Variants in BCAS3 observed in about 807,000 individuals in gnomAD.
BCAS3 encodes BCAS4/BCAS3 fusion.
BCAS3 carries 53 observed loss-of-function variants against 116.1 expected under a neutral mutation model. The ratio of observed to expected loss-of-function variants is 0.46; its 90% CI spans 0.37 to 0.57. The LOEUF (loss-of-function observed/expected upper bound fraction) is 0.57, where lower values mean the gene tolerates loss of function less well. Ranked by LOEUF, BCAS3 falls within the 20% of genes least tolerant of loss-of-function variation. The probability of loss-of-function intolerance (pLI) is 0.00; values close to 1 mark genes in which losing one functional copy is unlikely to be tolerated. For missense variants in BCAS3, 917 were observed against 1,165.4 expected (o/e 0.79, Z 3.10); for synonymous variants, 391 against 408.2 (o/e 0.96, Z 0.51).
intron 22 of BCAS3, among the ~76,000 whole-genome samples, chr17:61,201,739 G>T (rs1427965684): frequency 1.3e-5 from 2 of 151,312 alleles, no homozygotes; most frequent in Non-Finnish European, 2.9e-5. Context: ...GAGGGAGAAA[G>T]GTAAGGGAAA....
At chr17:61,090,327 A>G (rs1410355061) in intron 22 of BCAS3, among the ~76,000 whole-genome samples, 1 of 152,238 alleles carries the variant, frequency 6.6e-6, no homozygotes, top group African/African-American at 2.4e-5. Flanking sequence ...TCCAGGGCAT[A>G]TACCTTGGGT....
chr17:61,009,964 GA>G (rs1441075449), intron 15 of BCAS3, among the ~76,000 whole-genome samples: 1 of 151,786 alleles, frequency 6.6e-6, no homozygotes, highest in African/African-American at 2.4e-5. Flanking sequence ...GTAAATCTTA[GA>G]AAGTTTATTT....
rs746825060 is a variant in BCAS3 at position 61,015,894 on chromosome 17, C to T, written c.1630C>T (p.Arg544Ter). The change falls in exon 16 of 24, where the codon CGA becomes TGA. Residue 544 changes from arginine (R) to a stop codon, truncating the protein, a stop_gained. Transcript: ENST00000407086. LOFTEE classifies it high-confidence loss of function. ...QPMTLGTITK[R>*]TGKVKPPPQI... ...AATGACATTGGGGACCATCACCAAA[C>T]GAACCGGGTAAGGCCTTAGACTTGA... is the stretch of plus-strand genomic sequence containing the variant. 6 of 1,613,830 alleles carry T rather than the reference C, an allele frequency of 3.7e-6. No homozygotes were observed. Among genetic ancestry groups the T allele is most frequent in the Admixed American group, 3.3e-5 (2 of 59,988 alleles).
intron 22 of BCAS3, among the ~76,000 whole-genome samples, chr17:61,283,150 G>A (rs1420031646): frequency 1.3e-5 from 2 of 151,952 alleles, no homozygotes; most frequent in African/African-American, 4.8e-5. Flanking sequence ...CAATGGTGCT[G>A]CCTAGTTCCT....
intron 22 of BCAS3, among the ~76,000 whole-genome samples, chr17:61,357,277 TTAAATAAA>T (rs1225130789): frequency 6.9e-6 from 1 of 144,820 alleles, no homozygotes; most frequent in Non-Finnish European, 1.5e-5. Flanking sequence ...AATTAATTAA[TTAAATAAA>T]TAAATAAATA....
chr17:60,957,811 A>G (rs543770625), intron 14 of BCAS3, among the ~76,000 whole-genome samples: 1 of 152,324 alleles, frequency 6.6e-6, no homozygotes, highest in African/African-American at 2.4e-5. Context: ...TTCAGAGTTT[A>G]TTGAGGAAAT....
At chr17:60,980,143 G>A (rs2062704631) in intron 14 of BCAS3, among the ~76,000 whole-genome samples, 1 of 151,894 alleles carries the variant, frequency 6.6e-6, no homozygotes. Context: ...TTTTTGGTTG[G>A]TAAGCTATTG....
At chr17:60,689,376 A>T (rs2034512888) in intron 3 of BCAS3, among the ~76,000 whole-genome samples, 1 of 152,150 alleles carries the variant, frequency 6.6e-6, no homozygotes, top group African/African-American at 2.4e-5. Context: ...GAGTTTCGCC[A>T]TGTTGGCCAG....
intron 13 of BCAS3, among the ~76,000 whole-genome samples, chr17:60,937,953 A>T (rs1022629525): frequency 6.6e-6 from 1 of 152,206 alleles, no homozygotes; most frequent in African/African-American, 2.4e-5. Context: ...TTGTGTTGGG[A>T]CATAATATAC....
chr17:61,195,447 C>T (rs1414356781), intron 22 of BCAS3, among the ~76,000 whole-genome samples: 1 of 152,190 alleles, frequency 6.6e-6, no homozygotes, highest in East Asian at 1.9e-4. Flanking sequence ...GCAGCCTCAA[C>T]CTCCTGGGCT....
At chr17:60,932,251 C>T (rs1347547164) in intron 13 of BCAS3, among the ~76,000 whole-genome samples, 1 of 151,870 alleles carries the variant, frequency 6.6e-6, no homozygotes, top group African/African-American at 2.4e-5. Context: ...TATTTTGTCC[C>T]CAAGTATTAG....
chr17:61,117,465 T>A (rs953641722), intron 22 of BCAS3, among the ~76,000 whole-genome samples: 1 of 151,988 alleles, frequency 6.6e-6, no homozygotes, highest in African/African-American at 2.4e-5. Flanking sequence ...TGCAGTGGCT[T>A]GCACCTGTAG....
rs550614827 is a variant in BCAS3 at position 61,163,158 on chromosome 17, C to T, written c.2425+78594C>T. On this transcript the variant is annotated intron_variant, in intron 22 of 23. Transcript: ENST00000407086. ...AGTGGTTTTAGGCCAGGCCTGGTGG[C>T]TCACGCCTGTAATCCCAGCACCTGG... 2.6e-5 allele frequency among the ~76,000 whole-genome samples: 4 copies of T among 152,362 alleles called. No individual in the cohort carries two copies. In the East Asian group the frequency reaches 5.8e-4, roughly 22 times the overall value.
chr17:61,081,315 T>G (rs945500118), intron 21 of BCAS3, among the ~76,000 whole-genome samples: 10 of 152,170 alleles, frequency 6.6e-5, no homozygotes, highest in Non-Finnish European at 1.5e-4. Flanking sequence ...CGTGGCCTCC[T>G]CAGCTTTCTT....
intron 22 of BCAS3, among the ~76,000 whole-genome samples, chr17:61,237,959 G>A (rs1333854530): frequency 2.0e-5 from 3 of 152,246 alleles, no homozygotes; most frequent in Non-Finnish European, 4.4e-5. Context: ...GCTTTACAGG[G>A]GTGATTTTTA....
At chr17:61,115,068 A>G (rs1295972074) in intron 22 of BCAS3, among the ~76,000 whole-genome samples, 2 of 150,170 alleles carry the variant, frequency 1.3e-5, no homozygotes, top group Non-Finnish European at 3.0e-5. Flanking sequence ...TCCCTTCCTT[A>G]CACCTTATAC....
rs140910575 is a variant in BCAS3, at chr17:61,211,163, G to A, written c.2425+126599G>A. 1.6e-4 allele frequency among the ~76,000 whole-genome samples: 24 copies of A among 152,272 alleles called. No individual in the cohort carries two copies. In the East Asian group the frequency reaches 4.6e-3, roughly 29 times the overall value. ...AGTTATTCAGAAGAAATGGAATGAC[G>A]TTAAAATTCTCCCAAAAAAGGTTGG... On this transcript the variant is annotated intron_variant, in intron 22 of 23. Coordinates refer to ENST00000407086, the MANE Select transcript of BCAS3 (RefSeq NM_017679.5). This position sits in a 1 kb window ranked among gnomAD's most constrained non-coding sequence, Gnocchi z 4.4.
intron 22 of BCAS3, among the ~76,000 whole-genome samples, chr17:61,298,950 G>A (rs940220619): frequency 1.3e-5 from 2 of 151,900 alleles, no homozygotes; most frequent in South Asian, 2.1e-4. Flanking sequence ...AGCCTCCTGA[G>A]TGGCTGGGAT....
chr17:61,239,474 A>T lies in BCAS3; in HGVS notation c.2426-128853A>T, dbSNP rs1236029343. Among the ~76,000 whole-genome samples, 1 of 152,170 alleles carries T rather than the reference A, an allele frequency of 6.6e-6. No individual in the cohort carries two copies. The highest frequency in any genetic ancestry group is 2.4e-5 in the African/African-American group (1 of 41,436). ...TTGTGAACGCTTTCTGTAACTTATGAAGCTTTTGGAAATTTGGTCTAGTGA... is the reference window on the plus strand; with the variant it reads ...TTGTGAACGCTTTCTGTAACTTATGTAGCTTTTGGAAATTTGGTCTAGTGA... On this transcript the variant is annotated intron_variant, in intron 22 of 23. Transcript: ENST00000407086. This position sits in a 1 kb window ranked among gnomAD's most constrained non-coding sequence, Gnocchi z 4.2.
Sources: gnomAD v4.1 joint callset for allele counts (sites outside exome capture counted in the v4.1 genomes callset) on GRCh38, gnomAD v4.1.1 for gene constraint, Gnocchi (gnomAD v3.1) non-coding constraint, MANE v1.5 for transcripts, NCBI Gene and HGNC (gene_info 2026-07-23, HGNC 2026-07-21) for gene names.